LAMC3: variants seen among roughly 807,000 people sequenced by gnomAD.
LAMC3 encodes laminin subunit gamma 3.
LAMC3 carries 128 observed loss-of-function variants against 173.8 expected under a neutral mutation model. The observed-to-expected ratio is 0.74, with a 90% CI of 0.64 to 0.85. LAMC3 has a LOEUF of 0.85. LAMC3 is among the 40% of genes least tolerant of loss of function. The pLI is 0.00. For missense variants in LAMC3, 2,022 were observed against 2,156.0 expected, an observed-to-expected ratio of 0.94 and a Z score of 1.23; for synonymous variants, 897 against 909.1, an observed-to-expected ratio of 0.99 and a Z score of 0.24.
At position 131,069,571 on chromosome 9, in the gene LAMC3, C is replaced by CACCCAAA. The variant is rs1830001992; in HGVS notation, c.2891-96_2891-95insAAACCCA. 3 of 1,194,336 alleles carry CACCCAAA rather than the reference C, an allele frequency of 2.5e-6. No homozygotes were observed. In the East Asian group the frequency reaches 7.6e-5, roughly 30 times the overall value. The allele number at this position is 1,194,336 out of a possible 1,614,324, so 74.0% of individuals were successfully genotyped here. A position where few individuals can be genotyped will look rare whatever the true frequency, so the allele number is the denominator to read the frequency against. ...GATGCTGCCTAGGGCATTCTGGGAA[C>CACCCAAA]ACCCAGAACCCAGCACGCACTGCCC... On this transcript the variant is annotated intron_variant, in intron 16 of 27. Coordinates refer to ENST00000361069, the MANE Select transcript of LAMC3 (RefSeq NM_006059.4).
chr9:131,036,078 C>G, intron 3 of LAMC3, 88 bp from the exon 4 acceptor site: 2 of 1,412,168 alleles, frequency 1.4e-6, no homozygotes, highest in Non-Finnish European at 2.0e-6. Context: ...CTGGCTCACA[C>G]CTGCAAACAG....
intron 1 of LAMC3, among the ~76,000 whole-genome samples, chr9:131,025,792 T>C (rs1833704309): frequency 6.6e-6 from 1 of 151,982 alleles, no homozygotes; most frequent in African/African-American, 2.4e-5. Flanking sequence ...CTTGGGAAAT[T>C]TGGAAGATAG....
intron 25 of LAMC3, 39 bp downstream of exon 25, chr9:131,085,762 T>C: frequency 2.1e-5 from 33 of 1,599,372 alleles, no homozygotes; most frequent in Non-Finnish European, 2.7e-5. Context: ...CCTCCTTCCC[T>C]CCCGGGGGGA....
chr9:131,011,154 G>A (rs567936239), intron 1 of LAMC3, among the ~76,000 whole-genome samples: 40 of 152,126 alleles, frequency 2.6e-4, no homozygotes, highest in Non-Finnish European at 4.4e-4. Flanking sequence ...GAGTACAGCC[G>A]GCAGCCCCAG....
chr9:131,052,750 T>A (rs1428212511), intron 10 of LAMC3, 67 bp downstream of exon 10: 1 of 1,466,528 alleles, frequency 6.8e-7, no homozygotes, highest in Non-Finnish European at 9.5e-7. Context: ...TCCGGGCACA[T>A]TTCAGATGCC....
At chr9:131,036,450 C>CG in intron 4 of LAMC3, 118 bp downstream of exon 4, 1 of 1,144,370 alleles carries the variant, frequency 8.7e-7, no homozygotes, top group Non-Finnish European at 1.3e-6. Flanking sequence ...GGGGGCAGCT[C>CG]GGGGTCTCTG....
intron 21 of LAMC3, 49 bp from the exon 22 acceptor site, chr9:131,077,137 TG>T: frequency 6.2e-7 from 1 of 1,608,264 alleles, no homozygotes. Context: ...CAGACAGGGA[TG>T]GGGAGGGCTA....
chr9:131,036,891 G>A (rs893747382), intron 4 of LAMC3, among the ~76,000 whole-genome samples: 2 of 152,226 alleles, frequency 1.3e-5, no homozygotes, highest in Non-Finnish European at 2.9e-5. Context: ...CCTGTCCCCA[G>A]ACAGCCTGGT....
chr9:131,045,461 T>C (rs1834137121), intron 7 of LAMC3, 63 bp from the exon 8 acceptor site: 7 of 1,600,336 alleles, frequency 4.4e-6, no homozygotes, highest in South Asian at 1.1e-5. Context: ...TGGGATACCC[T>C]GGCCCCGCCC....
intron 7 of LAMC3, among the ~76,000 whole-genome samples, chr9:131,042,763 C>T (rs540460600): frequency 4.0e-5 from 6 of 150,452 alleles, no homozygotes; most frequent in Non-Finnish European, 7.4e-5. Flanking sequence ...TTTTTCACAC[C>T]CATAGCAGAC....
chr9:131,086,816 G>A (rs960434259), intron 25 of LAMC3, among the ~76,000 whole-genome samples: 11 of 151,810 alleles, frequency 7.2e-5, no homozygotes, highest in Admixed American at 3.3e-4. Flanking sequence ...CTTGAACCTG[G>A]GAGGTGGAGG....
chr9:131,066,521 G>A (rs1384178489), intron 13 of LAMC3, among the ~76,000 whole-genome samples: 1 of 149,234 alleles, frequency 6.7e-6, no homozygotes, highest in Admixed American at 6.8e-5. Context: ...AATAATATAA[G>A]GATGATGATG....
At chr9:131,054,127 G>T (rs1458588167) in intron 11 of LAMC3, among the ~76,000 whole-genome samples, 1 of 152,152 alleles carries the variant, frequency 6.6e-6, no homozygotes, top group African/African-American at 2.4e-5. Context: ...CAGGACATTT[G>T]AAAGTCATGT....
At position 131,061,127 on chromosome 9, in the gene LAMC3, G is replaced by A. The variant is rs749114435; in HGVS notation, c.2251G>A (p.Asp751Asn). Residue 751 changes from aspartate (D) to asparagine (N), a missense_variant, in exon 13 of 28, where the codon GAC becomes AAC. By Grantham distance (23) the Asp-to-Asn change is conservative. Coordinates refer to ENST00000361069, the MANE Select transcript of LAMC3 (RefSeq NM_006059.4). ...CAACCCTTTCGCGGGCCAAGCCGACGACTGCCAGCCCTGTCCCTGCCCTGG... is the reference window on the plus strand; with the variant it reads ...CAACCCTTTCGCGGGCCAAGCCGACAACTGCCAGCCCTGTCCCTGCCCTGG... ...YGNPFAGQAD[D>N]CQPCPCPGQS... The A allele has an allele frequency of 6.8e-6, 11 of 1,613,744 alleles. No homozygotes were observed. The highest frequency in any genetic ancestry group is 6.6e-5 in the South Asian group (6 of 91,080).
chr9:131,083,033 G>A lies in LAMC3; in HGVS notation c.4030+872G>A, dbSNP rs554414119. 3.0e-4 allele frequency among the ~76,000 whole-genome samples: 45 copies of A among 152,344 alleles called. 1 individual carries two copies. The South Asian group carries it at 8.1e-3, about 27-fold the overall frequency. On this transcript the variant is annotated intron_variant, in intron 24 of 27. Coordinates refer to ENST00000361069, the MANE Select transcript of LAMC3 (RefSeq NM_006059.4). ...TTTGGGGACTTCCTGTCGGAAAGGC[G>A]TGGCCGTGTGTGCTTAAGTATCTAG...
At chr9:131,015,575 A>G (rs551463081) in intron 1 of LAMC3, among the ~76,000 whole-genome samples, 1 of 152,282 alleles carries the variant, frequency 6.6e-6, no homozygotes, top group East Asian at 1.9e-4. Context: ...CCGCCTTGAC[A>G]CCAACCACTC....
At position 131,069,858 on chromosome 9, in the gene LAMC3, G is replaced by C. The variant is rs563444562; in HGVS notation, c.3069+8G>C. The C allele has an allele frequency of 3.4e-5, 53 of 1,579,142 alleles. No individual in the cohort carries two copies. In the Admixed American group the frequency reaches 9.6e-4, roughly 29 times the overall value. ...GCCCTGGTGAAGGAGGAGGTGAGTCGGCCCAGACCCACTCACCTTTCCATT... is the reference window on the plus strand; with the variant it reads ...GCCCTGGTGAAGGAGGAGGTGAGTCCGCCCAGACCCACTCACCTTTCCATT... On this transcript the variant is annotated splice_region_variant and intron_variant, in intron 17 of 27. Coordinates refer to ENST00000361069, the MANE Select transcript of LAMC3 (RefSeq NM_006059.4).
chr9:131,045,246 CAAAA>C (rs71501241), intron 7 of LAMC3, among the ~76,000 whole-genome samples: 1 of 144,534 alleles, frequency 6.9e-6, no homozygotes, highest in African/African-American at 2.7e-5. Flanking sequence ...ACAACAACAA[CAAAA>C]AAACAAAACC....
intron 4 of LAMC3, 38 bp from the exon 5 acceptor site, chr9:131,038,826 C>T (rs1176834318): frequency 2.7e-5 from 43 of 1,600,972 alleles, no homozygotes; most frequent in Non-Finnish European, 3.4e-5. Flanking sequence ...TACCACATCA[C>T]AGGGGACTCA....
Sources: gnomAD v4.1 joint callset for allele counts (sites outside exome capture counted in the v4.1 genomes callset) on GRCh38, gnomAD v4.1.1 for gene constraint, MANE v1.5 for transcripts, NCBI Gene and HGNC (gene_info 2026-07-23, HGNC 2026-07-21) for gene names.